PTPRT: variants seen among roughly 807,000 people sequenced by gnomAD.
PTPRT encodes receptor-type tyrosine-protein phosphatase T.
A neutral mutation model predicts 176.8 loss-of-function variants in PTPRT; 56 were observed. That is an observed-to-expected ratio of 0.32 (90% CI 0.26 to 0.40). PTPRT has a LOEUF of 0.40. Among genes scored for constraint, PTPRT ranks in the 10% least tolerant of loss-of-function variants. PTPRT has a pLI of 1.00. For synonymous variants in PTPRT, 783 were observed against 739.0 expected (o/e 1.06, Z -0.96); for missense variants, 1,540 against 1,908.2 (o/e 0.81, Z 3.60).
intron 2 of PTPRT, among the ~76,000 whole-genome samples, chr20:42,829,548 T>C (rs911994825): frequency 6.6e-6 from 1 of 152,116 alleles, no homozygotes; most frequent in Admixed American, 6.6e-5. Flanking sequence ...ACCAACATGG[T>C]GAAACCCCAT....
intron 2 of PTPRT, among the ~76,000 whole-genome samples, chr20:42,799,422 T>C (rs535401252): frequency 2.0e-5 from 3 of 152,266 alleles, no homozygotes; most frequent in South Asian, 2.1e-4. Flanking sequence ...CCAATGATGA[T>C]GTGATGAAAA....
At chr20:42,893,338 T>A (rs1415700801) in intron 1 of PTPRT, among the ~76,000 whole-genome samples, 3 of 152,172 alleles carry the variant, frequency 2.0e-5, no homozygotes, top group Non-Finnish European at 2.9e-5. Context: ...TTAGAATGGC[T>A]ATCATTAAAA....
intron 9 of PTPRT, among the ~76,000 whole-genome samples, chr20:42,405,241 G>A (rs563637239): frequency 1.1e-4 from 17 of 148,438 alleles, no homozygotes; most frequent in Admixed American, 9.5e-4. Flanking sequence ...TGTGCATAAC[G>A]TGCAGGTTTG....
At chr20:42,650,212 C>T (rs1193844531) in intron 7 of PTPRT, among the ~76,000 whole-genome samples, 1 of 152,170 alleles carries the variant, frequency 6.6e-6, no homozygotes, top group African/African-American at 2.4e-5. Flanking sequence ...AGAAACTTGT[C>T]CAAGTAAACA....
intron 6 of PTPRT, among the ~76,000 whole-genome samples, chr20:42,754,424 G>A (rs1178312442): frequency 1.4e-5 from 2 of 147,848 alleles, no homozygotes; most frequent in South Asian, 2.1e-4. Flanking sequence ...GGCCTCAGGC[G>A]CATGCCACCA....
intron 19 of PTPRT, among the ~76,000 whole-genome samples, chr20:42,127,504 A>C (rs1043642027): frequency 6.6e-6 from 1 of 152,204 alleles, no homozygotes; most frequent in African/African-American, 2.4e-5. Flanking sequence ...GATCAATACA[A>C]GGCTCAATAA....
rs533846939 is a variant in PTPRT at position 43,017,429 on chromosome 20, G to A, written c.89-131497C>T. On this transcript the variant is annotated intron_variant, in intron 1 of 30. Transcript: ENST00000373187. ...CTCCCTCCCTCCTCCGGCCCACCTC[G>A]GTCTTGCTCTCCATCTCTGCCCAGC... Among the ~76,000 whole-genome samples, 10 of 152,076 alleles carry A rather than the reference G, an allele frequency of 6.6e-5. No individual in the cohort carries two copies. In the South Asian group the frequency reaches 1.9e-3, roughly 28 times the overall value.
rs190854922 is a variant in PTPRT at position 42,664,959 on chromosome 20, T to A, written c.1153+12907A>T. On this transcript the variant is annotated intron_variant, in intron 7 of 30. Coordinates refer to ENST00000373187, the MANE Select transcript of PTPRT (RefSeq NM_007050.6). ...ACACAAAAATTAATTCAAGATGGATTAAAGACTTAAATGTTAGATCTAAAA... is the reference window on the plus strand; with the variant it reads ...ACACAAAAATTAATTCAAGATGGATAAAAGACTTAAATGTTAGATCTAAAA... 4.1e-3 allele frequency among the ~76,000 whole-genome samples: 622 copies of A among 152,286 alleles called. 7 individuals are homozygous for A. The Middle Eastern group carries it at 0.044, about 11-fold the overall frequency.
rs190014057 is a variant in PTPRT at position 42,752,784 on chromosome 20, T to C, written c.859+3678A>G. Among the ~76,000 whole-genome samples the C allele has an allele frequency of 1.2e-3, 177 of 152,296 alleles. 1 individual carries two copies. The highest frequency in any genetic ancestry group is 2.8e-3 in the Admixed American group (43 of 15,308). On this transcript the variant is annotated intron_variant, in intron 6 of 30. Transcript: ENST00000373187. Reference sequence around the variant, plus strand: ...CTGGCTCCGCAAAGGCAAAGGGCTCTTGAGAGGTAAGTGAGTCATTCTTCA... The same window carrying C: ...CTGGCTCCGCAAAGGCAAAGGGCTCCTGAGAGGTAAGTGAGTCATTCTTCA...
intron 7 of PTPRT, among the ~76,000 whole-genome samples, chr20:42,598,115 T>C (rs371022200): frequency 3.3e-5 from 5 of 152,068 alleles, no homozygotes; most frequent in African/African-American, 1.2e-4. Context: ...TATATGCACA[T>C]GGCCTATCGT....
chr20:42,388,366 A>T (rs2058765200), intron 9 of PTPRT, among the ~76,000 whole-genome samples: 1 of 152,236 alleles, frequency 6.6e-6, no homozygotes, highest in African/African-American at 2.4e-5. Flanking sequence ...AAATTTTTGC[A>T]ACCTACTCAT....
Position 42,140,226 on chromosome 20 carries a change from C to CT in PTPRT, c.2770+1688dup, listed in dbSNP as rs201555533. On this transcript the variant is annotated intron_variant, in intron 18 of 30. Transcript: ENST00000373187. Reference sequence around the variant, plus strand: ...TAGAAATAATTTGTCATTCAGGATCCTTTTTTTTTTTCTTTTGGATGAACT... The same window carrying CT: ...TAGAAATAATTTGTCATTCAGGATCCTTTTTTTTTTTTCTTTTGGATGAACT... Among the ~76,000 whole-genome samples the CT allele has an allele frequency of 2.1e-3, 303 of 146,922 alleles. 2 individuals are homozygous for CT. The highest frequency in any genetic ancestry group is 0.012 in the South Asian group (53 of 4,600).
At chr20:42,437,960 G>A (rs1299205389) in intron 9 of PTPRT, among the ~76,000 whole-genome samples, 1 of 152,172 alleles carries the variant, frequency 6.6e-6, no homozygotes, top group African/African-American at 2.4e-5. Flanking sequence ...TAAAACATCC[G>A]AGATGAAAAG....
At chr20:42,819,815 G>A (rs1019621588) in intron 2 of PTPRT, among the ~76,000 whole-genome samples, 1 of 152,020 alleles carries the variant, frequency 6.6e-6, no homozygotes, top group African/African-American at 2.4e-5. Flanking sequence ...GATCAAAAAA[G>A]ACAAAGAAAG....
At position 42,789,527 on chromosome 20, in the gene PTPRT, T is replaced by G. The variant is rs1480699742; in HGVS notation, c.486+1668A>C. On this transcript the variant is annotated intron_variant, in intron 3 of 30. Transcript: ENST00000373187. Reference sequence around the variant, plus strand: ...GTACGTAGTACCTGCCTCAAAGGATTGTTGTGAAGATTAAACAAGGTAATG... The same window carrying G: ...GTACGTAGTACCTGCCTCAAAGGATGGTTGTGAAGATTAAACAAGGTAATG... 2.0e-5 allele frequency among the ~76,000 whole-genome samples: 3 copies of G among 152,178 alleles called. No homozygotes were observed. The East Asian group carries it at 5.8e-4, about 29-fold the overall frequency.
intron 16 of PTPRT, among the ~76,000 whole-genome samples, chr20:42,162,649 G>T (rs891113942): frequency 6.6e-6 from 1 of 152,240 alleles, no homozygotes; most frequent in Admixed American, 6.5e-5. Context: ...GCCAGCTGCA[G>T]CAGTTAATGT....
intron 1 of PTPRT, among the ~76,000 whole-genome samples, chr20:43,177,907 G>A (rs995321407): frequency 1.3e-5 from 2 of 152,130 alleles, no homozygotes; most frequent in Admixed American, 6.5e-5. Context: ...AACAAAAATG[G>A]TGTTCAGAGC....
chr20:42,922,060 C>T (rs1238335182), intron 1 of PTPRT, among the ~76,000 whole-genome samples: 4 of 152,114 alleles, frequency 2.6e-5, no homozygotes, highest in Admixed American at 6.5e-5. Flanking sequence ...CTCTGCCTCC[C>T]GAGTAGCTGG....
At chr20:42,324,266 G>A (rs1001308818) in intron 11 of PTPRT, among the ~76,000 whole-genome samples, 5 of 152,192 alleles carry the variant, frequency 3.3e-5, no homozygotes, top group Non-Finnish European at 7.3e-5. Flanking sequence ...ATAAGACGTA[G>A]AAGACTACAT....
Sources: allele counts gnomAD v4.1 joint callset (sites outside exome capture counted in the v4.1 genomes callset), GRCh38; gene constraint gnomAD v4.1.1; transcripts MANE v1.5; gene names NCBI Gene and HGNC (gene_info 2026-07-23, HGNC 2026-07-21).